Variants in MYBL2 observed in about 807,000 individuals in gnomAD.
The protein encoded by MYBL2 is MYB proto-oncogene like 2, also known as myb-related protein B.
MYBL2 carries 28 observed loss-of-function variants against 79.9 expected under a neutral mutation model. The observed-to-expected ratio is 0.35, with a 90% CI of 0.26 to 0.48. The LOEUF is 0.48. MYBL2 is among the 20% of genes least tolerant of loss of function. The pLI is 0.99. For synonymous variants in MYBL2, 378 were observed against 361.2 expected (o/e 1.05, Z -0.53); for missense variants, 735 against 893.9 (o/e 0.82, Z 2.27).
chr20:43,707,195 T>TAA (rs199537584), intron 9 of MYBL2, among the ~76,000 whole-genome samples: 1 of 133,470 alleles, frequency 7.5e-6, no homozygotes, highest in African/African-American at 2.6e-5. Context: ...TTTTTTTTTT[T>TAA]AAAAAAAAAA....
intron 9 of MYBL2, 144 bp from the exon 10 acceptor site, chr20:43,709,819 G>A: frequency 1.6e-6 from 1 of 643,066 alleles, no homozygotes. Flanking sequence ...CCCCTGACTT[G>A]GACCTGCAGG....
intron 1 of MYBL2, among the ~76,000 whole-genome samples, chr20:43,670,440 T>G (rs1600539241): frequency 6.6e-6 from 1 of 152,122 alleles, no homozygotes; most frequent in Admixed American, 6.6e-5. Flanking sequence ...AATTTTTTTC[T>G]TTTGAAATTG....
intron 1 of MYBL2, among the ~76,000 whole-genome samples, chr20:43,673,276 T>A (rs1387584228): frequency 6.7e-6 from 1 of 148,290 alleles, no homozygotes; most frequent in Non-Finnish European, 1.5e-5. Context: ...GCTTTTGAAA[T>A]CACTAGGGCA....
At chr20:43,709,368 C>A (rs961521031) in intron 9 of MYBL2, among the ~76,000 whole-genome samples, 1 of 152,242 alleles carries the variant, frequency 6.6e-6, no homozygotes, top group African/African-American at 2.4e-5. Flanking sequence ...TTCTGCCCCC[C>A]TGCTCTAGGG....
In MYBL2 at chr20:43,711,519, A is replaced by G; in HGVS notation, c.1637A>G (p.Lys546Arg). The G allele has an allele frequency of 6.2e-7, 1 of 1,613,698 alleles. No individual in the cohort carries two copies. Among genetic ancestry groups the G allele is most frequent in the East Asian group, 2.2e-5 (1 of 44,866 alleles). ...PQTPHLEEDL[K>R]EVLRSEAGIE... is the part of the protein sequence containing the mutation. ...ACCCCGCACCTGGAGGAGGACTTGA[A>G]GGAGGTGCTGCGTTCTGAGGCTGGC... Residue 546 changes from lysine to arginine, a missense_variant, in exon 11 of 14, where the codon AAG becomes AGG. Around this residue, in one of 5 missense-constraint regions of MYBL2, gnomAD observed 204 missense variants for 202.9 expected, o/e 1.01. Transcript: ENST00000217026.
At position 43,716,262 on chromosome 20, in the gene MYBL2, C is replaced by G. The variant is rs1018738253; in HGVS notation, c.*175C>G. 1.0e-6 allele frequency: 1 copy of G among 982,360 alleles called. No individual in the cohort carries two copies. 60.9% of individuals were successfully genotyped at this position (982,360 alleles called of 1,614,324 possible). The stretch of plus-strand genomic sequence containing the variant: ...GCCATGTGCTGCCCTGTTGCCGAGC[C>G]CAGCTGTGGGCGGCTCCTGGTGCTA... On this transcript the variant is annotated 3_prime_UTR_variant, in exon 14 of 14. Coordinates refer to ENST00000217026, the MANE Select transcript of MYBL2 (RefSeq NM_002466.4).
intron 1 of MYBL2, among the ~76,000 whole-genome samples, chr20:43,669,987 G>A (rs1285433107): frequency 1.3e-5 from 2 of 152,238 alleles, no homozygotes; most frequent in South Asian, 4.1e-4. Context: ...GCCTGTAAGC[G>A]CGGCTATTCG....
intron 4 of MYBL2, among the ~76,000 whole-genome samples, chr20:43,684,662 C>T (rs1294513475): frequency 2.6e-5 from 4 of 151,670 alleles, no homozygotes; most frequent in African/African-American, 9.7e-5. Context: ...AGTCATGAGC[C>T]ATGGCTGGCA....
chr20:43,674,417 C>T (rs571259663), intron 2 of MYBL2, among the ~76,000 whole-genome samples: 4 of 146,462 alleles, frequency 2.7e-5, no homozygotes, highest in Admixed American at 6.9e-5. Context: ...GAGACAGTCT[C>T]GCTTTGTCAC....
rs1356717952 is a variant in MYBL2, at chr20:43,716,143, G to A, written c.*56G>A. Reference sequence around the variant, plus strand: ...TGTTTACAGGGGTTGTGGGGGCAGAGGGGGTCTGTGAATCTGAGAGTCATT... The same window carrying A: ...TGTTTACAGGGGTTGTGGGGGCAGAAGGGGTCTGTGAATCTGAGAGTCATT... On this transcript the variant is annotated 3_prime_UTR_variant, in exon 14 of 14. Coordinates refer to ENST00000217026, the MANE Select transcript of MYBL2 (RefSeq NM_002466.4). 2 of 1,593,014 alleles carry A rather than the reference G, an allele frequency of 1.3e-6. No homozygotes were observed. Among genetic ancestry groups the A allele is most frequent in the Admixed American group, 1.7e-5 (1 of 58,268 alleles).
At chr20:43,688,718 C>T (rs929061482) in intron 5 of MYBL2, among the ~76,000 whole-genome samples, 5 of 152,298 alleles carry the variant, frequency 3.3e-5, no homozygotes, top group Non-Finnish European at 7.4e-5. Flanking sequence ...GCTGGGATTA[C>T]AGGCATGAGC....
chr20:43,673,374 T>G (rs1274323970), intron 1 of MYBL2, among the ~76,000 whole-genome samples: 1 of 151,742 alleles, frequency 6.6e-6, no homozygotes, highest in Non-Finnish European at 1.5e-5. Flanking sequence ...TGGTGGCTCA[T>G]GCCTATAGTC....
chr20:43,673,313 A>G (rs1396847515), intron 1 of MYBL2, among the ~76,000 whole-genome samples: 1 of 151,406 alleles, frequency 6.6e-6, no homozygotes, highest in Non-Finnish European at 1.5e-5. Context: ...AGAAGAAAGT[A>G]GCTCTTAACC....
chr20:43,674,459 T>A (rs1306453092), intron 2 of MYBL2, among the ~76,000 whole-genome samples: 1 of 151,014 alleles, frequency 6.6e-6, no homozygotes, highest in Non-Finnish European at 1.5e-5. Context: ...TGATCTTGGC[T>A]CACTGCAACC....
intron 6 of MYBL2, among the ~76,000 whole-genome samples, chr20:43,695,006 C>G (rs572977902): frequency 6.6e-6 from 1 of 151,754 alleles, no homozygotes; most frequent in African/African-American, 2.4e-5. Flanking sequence ...GGGACCAAGC[C>G]CCAGACCATG....
intron 12 of MYBL2, among the ~76,000 whole-genome samples, chr20:43,714,916 A>G (rs1987992857): frequency 6.6e-6 from 1 of 152,204 alleles, no homozygotes; most frequent in Non-Finnish European, 1.5e-5. Flanking sequence ...GGCGTGAGCC[A>G]CCGCTCCTGG....
At chr20:43,715,361 G>A in intron 13 of MYBL2, 78 bp downstream of exon 13, 1 of 1,589,284 alleles carries the variant, frequency 6.3e-7, no homozygotes, top group Non-Finnish European at 8.6e-7. Context: ...CCATCCCTGG[G>A]GGTCCTGCAG....
chr20:43,699,830 C>A lies in MYBL2; in HGVS notation c.737C>A (p.Ala246Glu). Residue 246 changes from alanine (A) to glutamate (E), a missense_variant, in exon 7 of 14, where the codon GCA becomes GAA. This residue lies in a region of MYBL2 where 144 missense variants were observed against 131.9 expected (regional missense o/e 1.09). Coordinates refer to ENST00000217026, the MANE Select transcript of MYBL2 (RefSeq NM_002466.4). The part of the protein sequence containing the change: ...KEEENSEEEL[A>E]AATTSKEQEP... ...GAGGAAAACAGTGAGGAGGAACTTG[C>A]AGCAGCCACCACATCGAAGGAACAG... 1 of 1,614,188 alleles carries A rather than the reference C, an allele frequency of 6.2e-7. No homozygotes were observed. The highest frequency in any genetic ancestry group is 8.5e-7 in the Non-Finnish European group (1 of 1,180,022).
At chr20:43,684,399 G>C (rs1987218428) in intron 4 of MYBL2, among the ~76,000 whole-genome samples, 1 of 151,688 alleles carries the variant, frequency 6.6e-6, no homozygotes, top group Admixed American at 6.6e-5. Context: ...ACCACGCCCG[G>C]CTAATTTTTG....
Sources: gnomAD v4.1 joint callset for allele counts (sites outside exome capture counted in the v4.1 genomes callset) on GRCh38, gnomAD v4.1.1 for gene constraint, gnomAD v4.1.1 regional missense constraint, MANE v1.5 for transcripts, NCBI Gene and HGNC (gene_info 2026-07-23, HGNC 2026-07-21) for gene names.